Variants in TM7SF3 observed in about 807,000 individuals in gnomAD.
TM7SF3 encodes transmembrane 7 superfamily member 3.
Under a neutral mutation model 65.5 loss-of-function variants are expected in TM7SF3, and 60 were observed. That is an observed-to-expected ratio of 0.92 (90% CI 0.74 to 1.14). TM7SF3 has a LOEUF of 1.14. Among genes scored for constraint, TM7SF3 ranks in the 50% most tolerant of loss-of-function variants. The pLI is 0.00. For missense variants in TM7SF3, 623 were observed against 684.8 expected (o/e 0.91, Z 1.01); for synonymous variants, 264 against 259.6 (o/e 1.02, Z -0.16).
chr12:26,985,998 G>GT (rs55959497), intron 6 of TM7SF3, among the ~76,000 whole-genome samples: 32,611 of 142,468 alleles, frequency 0.23, 3,980 homozygotes, highest in East Asian at 0.38. Flanking sequence ...GTTTTGTATT[G>GT]TTTTTTTTTT....
intron 7 of TM7SF3, among the ~76,000 whole-genome samples, chr12:26,980,993 G>A (rs745561580): frequency 2.6e-5 from 4 of 152,088 alleles, no homozygotes; most frequent in South Asian, 4.1e-4. Context: ...ACTTTGTCAC[G>A]TGTATGTGAT....
intron 5 of TM7SF3, 80 bp from the exon 6 acceptor site, chr12:26,990,707 A>G (rs1940318340): frequency 1.0e-5 from 10 of 1,004,752 alleles, no homozygotes; most frequent in African/African-American, 1.6e-5. Flanking sequence ...TACGTGTAAT[A>G]TTAAATGGTA....
chr12:27,014,332 G>A lies in TM7SF3; in HGVS notation c.-164C>T. On this transcript the variant is annotated 5_prime_UTR_variant, in exon 1 of 12. Transcript: ENST00000343028. ...ACCTGCCAGCTCCGCAGCCGCCGGC[G>A]CGCGCCCCGCCGAACTCCTAGCCCC... The A allele has an allele frequency of 2.4e-6, 1 of 421,672 alleles. No homozygotes were observed. The highest frequency in any genetic ancestry group is 4.7e-5 in the Admixed American group (1 of 21,362). The allele number at this position is 421,672 out of a possible 1,614,324, so 26.1% of individuals were successfully genotyped here. A position where few individuals can be genotyped will look rare whatever the true frequency, so the allele number is the denominator to read the frequency against.
rs1940618859 is a variant in TM7SF3 at position 26,996,818 on chromosome 12, C to G, written c.442G>C (p.Asp148His). 6.2e-7 allele frequency: 1 copy of G among 1,613,286 alleles called. No individual in the cohort carries two copies. The highest frequency in any genetic ancestry group is 1.7e-5 in the Admixed American group (1 of 59,886). Residue 148 changes from aspartate (D) to histidine (H), a missense_variant, in exon 4 of 12, where the codon GAT becomes CAT. Transcript: ENST00000343028. ...GCNLEFDLDI[D>H]PNIYLEYNFF... ...TTATACTCCAAGTAAATGTTGGGAT[C>G]AATATCTAAATCGAACTCCAAATTA...
At position 27,014,209 on chromosome 12, in the gene TM7SF3, G is replaced by A. The variant is rs1003237725; in HGVS notation, c.-41C>T. 1.9e-6 allele frequency: 3 copies of A among 1,543,740 alleles called. No homozygotes were observed. Among genetic ancestry groups the A allele is most frequent in the Non-Finnish European group, 2.6e-6 (3 of 1,141,792 alleles). ...GCTGGGCCCACGCCAGGGCTGGGGA[G>A]AGGTGCGGGCGTGCGCGCCGGGGCC... On this transcript the variant is annotated 5_prime_UTR_variant, in exon 1 of 12. Transcript: ENST00000343028.
Position 26,990,700 on chromosome 12 carries a change from G to A in TM7SF3, c.691-73C>T, listed in dbSNP as rs546857038. 49 of 1,095,190 alleles carry A rather than the reference G, an allele frequency of 4.5e-5. No homozygotes were observed. The East Asian group carries it at 1.0e-3, about 23-fold the overall frequency. The allele number at this position is 1,095,190 out of a possible 1,614,324, so 67.8% of individuals were successfully genotyped here. A position where few individuals can be genotyped will look rare whatever the true frequency, so the allele number is the denominator to read the frequency against. Reference sequence around the variant, plus strand: ...GCTATTCTGTGATAATCCCACCTACGTGTAATATTAAATGGTATATTCATA... The same window carrying A: ...GCTATTCTGTGATAATCCCACCTACATGTAATATTAAATGGTATATTCATA... On this transcript the variant is annotated intron_variant, in intron 5 of 11. Transcript: ENST00000343028.
At position 27,014,265 on chromosome 12, in the gene TM7SF3, CCCGCATCGGGCGCCATCGCCCG is replaced by C. The variant is rs1941359941; in HGVS notation, c.-119_-98del. 8.6e-7 allele frequency: 1 copy of C among 1,163,938 alleles called. No homozygotes were observed. Among genetic ancestry groups the C allele is most frequent in the Non-Finnish European group, 1.2e-6 (1 of 866,546 alleles). The allele number at this position is 1,163,938 out of a possible 1,614,324, so 72.1% of individuals were successfully genotyped here. A position where few individuals can be genotyped will look rare whatever the true frequency, so the allele number is the denominator to read the frequency against. ...GCCTCGCCCACGCTATCCCGGGGCG[CCCGCATCGGGCGCCATCGCCCG>C]CCAGGTGCAGACGCTTCGCACCTGC... On this transcript the variant is annotated 5_prime_UTR_variant, in exon 1 of 12. An upstream start codon of the reference 5' UTR is lost. Coordinates refer to ENST00000343028, the MANE Select transcript of TM7SF3 (RefSeq NM_016551.3).
intron 5 of TM7SF3, among the ~76,000 whole-genome samples, chr12:26,992,623 G>A (rs1565878351): frequency 6.6e-6 from 1 of 152,162 alleles, no homozygotes; most frequent in East Asian, 1.9e-4. Flanking sequence ...AATTGCTTAT[G>A]TAATTTATTG....
intron 6 of TM7SF3, among the ~76,000 whole-genome samples, chr12:26,985,158 C>A (rs984770452): frequency 2.6e-5 from 4 of 152,068 alleles, no homozygotes; most frequent in Non-Finnish European, 5.9e-5. Flanking sequence ...ATGAAGGGTT[C>A]AAGGGAAAGA....
chr12:26,991,947 C>G (rs11048801), intron 5 of TM7SF3, among the ~76,000 whole-genome samples: 1 of 151,908 alleles, frequency 6.6e-6, no homozygotes. Context: ...TCGCAGGGGG[C>G]AGTCTTGTTA....
At chr12:27,001,023 G>C (rs1294139334) in intron 2 of TM7SF3, among the ~76,000 whole-genome samples, 1 of 151,872 alleles carries the variant, frequency 6.6e-6, no homozygotes, top group Non-Finnish European at 1.5e-5. Context: ...GTTTCAATTT[G>C]ATAAGCATAA....
chr12:26,974,159 T>G lies in TM7SF3; in HGVS notation c.1519A>C (p.Arg507=), dbSNP rs762353907. The part of the protein sequence containing the change: ...SGITLQIRRE[R]GRPFFPPHPY... ...TGGGGAGGGAAGAACGGTCGTCCTC[T>G]CTCTCTTCGAATCTGTAACGTAATT... Residue 507 remains arginine, a synonymous_variant, in exon 12 of 12, where the codon AGA becomes CGA. Transcript: ENST00000343028. 3.3e-5 allele frequency: 53 copies of G among 1,614,068 alleles called. No homozygotes were observed. The South Asian group carries it at 5.6e-4, about 17-fold the overall frequency.
chr12:27,010,450 G>C (rs1941202722), intron 1 of TM7SF3, among the ~76,000 whole-genome samples: 1 of 152,306 alleles, frequency 6.6e-6, no homozygotes, highest in South Asian at 2.1e-4. Context: ...AAAAGATACT[G>C]AAAGTCAAGA....
At position 26,973,695 on chromosome 12, in the gene TM7SF3, C is replaced by T; in HGVS notation, c.*270G>A. ...TATCTATTTAATGGAATAAGTTGAT[C>T]ATAGATTTGTAAACCAAAAGGTAAT... On this transcript the variant is annotated 3_prime_UTR_variant, in exon 12 of 12. Coordinates refer to ENST00000343028, the MANE Select transcript of TM7SF3 (RefSeq NM_016551.3). The T allele has an allele frequency of 2.8e-6, 1 of 362,504 alleles. No homozygotes were observed. The highest frequency in any genetic ancestry group is 4.9e-6 in the Non-Finnish European group (1 of 202,700). The allele number at this position is 362,504 out of a possible 1,614,324, so 22.5% of individuals were successfully genotyped here.
At chr12:26,980,708 C>A (rs1040313919) in intron 7 of TM7SF3, 62 bp from the exon 8 acceptor site, 3 of 781,076 alleles carry the variant, frequency 3.8e-6, no homozygotes, top group South Asian at 3.3e-5. Flanking sequence ...GTTAAGCACC[C>A]TTTTTACAGT....
At chr12:26,982,958 A>T in intron 6 of TM7SF3, 99 bp from the exon 7 acceptor site, 5 of 812,264 alleles carry the variant, frequency 6.2e-6, no homozygotes, top group Non-Finnish European at 7.5e-6. Context: ...AAGTGAACTG[A>T]CATAATTTAT....
In TM7SF3 at chr12:27,014,107, G is replaced by A. The variant is rs1052018337; in HGVS notation, c.62C>T (p.Ala21Val). 2.5e-6 allele frequency: 4 copies of A among 1,572,948 alleles called. No homozygotes were observed. Among genetic ancestry groups the A allele is most frequent in the Non-Finnish European group, 2.6e-6 (3 of 1,159,152 alleles). ...VLASEHRVAGAAEVFGNSSEG... is the reference protein window; with the variant it reads ...VLASEHRVAGVAEVFGNSSEG... ...GCTGGAATTCCCGAAGACCTCGGCT[G>A]CACCAGCCACCCGGTGTTCGGATGC... is the stretch of plus-strand genomic sequence containing the variant. Residue 21 changes from alanine (A) to valine (V), a missense_variant, in exon 1 of 12, where the codon GCA becomes GTA. By Grantham distance (64) the Ala-to-Val change is moderately conservative. Transcript: ENST00000343028.
intron 6 of TM7SF3, among the ~76,000 whole-genome samples, chr12:26,985,652 A>ATATAT (rs1439736086): frequency 5.1e-5 from 2 of 39,112 alleles, no homozygotes; most frequent in Non-Finnish European, 8.7e-5. Context: ...AAAAAAAAAA[A>ATATAT]ATATATATAT....
chr12:27,006,415 G>A lies in TM7SF3; in HGVS notation c.92-3025C>T, dbSNP rs186276591. ...GCCTCCCAAAGTGTTGGGATTACAA[G>A]CATGAGCCACCACGCCAGGCCAACT... is the stretch of plus-strand genomic sequence containing the variant. On this transcript the variant is annotated intron_variant, in intron 1 of 11. Coordinates refer to ENST00000343028, the MANE Select transcript of TM7SF3 (RefSeq NM_016551.3). 7.2e-5 allele frequency among the ~76,000 whole-genome samples: 11 copies of A among 152,152 alleles called. No individual in the cohort carries two copies. In the East Asian group the frequency reaches 2.1e-3, roughly 29 times the overall value.
Sources: allele counts gnomAD v4.1 joint callset (sites outside exome capture counted in the v4.1 genomes callset), GRCh38; gene constraint gnomAD v4.1.1; transcripts MANE v1.5; gene names NCBI Gene and HGNC (gene_info 2026-07-23, HGNC 2026-07-21).